The following PUM2 variants were observed in gnomAD, a reference collection of about 807,000 sequenced individuals.
The protein encoded by PUM2 is pumilio homolog 2.
In PUM2, 57 loss-of-function variants were observed where a neutral mutation model predicts 124.5. That is an observed-to-expected ratio of 0.46 (90% CI 0.37 to 0.57). PUM2 has a LOEUF of 0.57. PUM2 is among the 20% of genes least tolerant of loss of function. The pLI is 0.00. For synonymous variants in PUM2, 460 were observed against 446.1 expected, an observed-to-expected ratio of 1.03 and a Z score of -0.39; for missense variants, 1,065 against 1,290.6, an observed-to-expected ratio of 0.83 and a Z score of 2.68.
intron 3 of PUM2, among the ~76,000 whole-genome samples, chr2:20,316,001 G>C (rs1572889253): frequency 2.0e-5 from 3 of 152,188 alleles, no homozygotes; most frequent in Admixed American, 2.0e-4. Context: ...GCCTTTTGTA[G>C]GGAAGATGTA....
In PUM2 at chr2:20,278,776, T is replaced by C. The variant is rs374051033; in HGVS notation, c.1764A>G (p.Leu588=). The change falls in exon 13 of 21, where the codon CTA becomes CTG. Residue 588 remains leucine (L), a synonymous_variant. Coordinates refer to ENST00000361078, the MANE Select transcript of PUM2 (RefSeq NM_015317.5). ...ASSSATRRES[L]STSSDLYKRS... ...TTTTGTACAAGTCAGAGCTAGTAGATAGAGACTCTCTCCTTGTGGCACTAC... is the reference window on the plus strand; with the variant it reads ...TTTTGTACAAGTCAGAGCTAGTAGACAGAGACTCTCTCCTTGTGGCACTAC... 25 of 1,613,320 alleles carry C rather than the reference T, an allele frequency of 1.5e-5. No individual in the cohort carries two copies. Among genetic ancestry groups the C allele is most frequent in the Non-Finnish European group, 1.9e-5 (23 of 1,179,636 alleles).
intron 1 of PUM2, among the ~76,000 whole-genome samples, chr2:20,336,092 T>C (rs945119374): frequency 1.3e-5 from 2 of 152,228 alleles, no homozygotes; most frequent in African/African-American, 4.8e-5. Context: ...ATGCTTTAGG[T>C]ATTGTCTGAG....
At chr2:20,278,216 T>C (rs1190348604) in intron 13 of PUM2, among the ~76,000 whole-genome samples, 1 of 152,156 alleles carries the variant, frequency 6.6e-6, no homozygotes, top group African/African-American at 2.4e-5. Context: ...GCTATGTAAC[T>C]AATGTTTTTC....
chr2:20,293,168 A>G (rs1674638358), intron 9 of PUM2, among the ~76,000 whole-genome samples: 1 of 152,242 alleles, frequency 6.6e-6, no homozygotes. Context: ...TCCGCAATAC[A>G]TAGCTGTTGT....
intron 1 of PUM2, among the ~76,000 whole-genome samples, chr2:20,330,640 G>A (rs2148908891): frequency 6.6e-6 from 1 of 152,252 alleles, no homozygotes; most frequent in Middle Eastern, 3.4e-3. Context: ...ATTCTCAACG[G>A]TATTCTTTGT....
At chr2:20,311,335 A>T (rs554971294) in intron 5 of PUM2, among the ~76,000 whole-genome samples, 159 bp downstream of exon 5, 2 of 152,136 alleles carry the variant, frequency 1.3e-5, no homozygotes, top group Non-Finnish European at 2.9e-5. Flanking sequence ...TCATAATCAC[A>T]AATTTTCTTT....
At chr2:20,260,187 T>C (rs1168559100) in intron 15 of PUM2, 150 bp downstream of exon 15, 2 of 854,842 alleles carry the variant, frequency 2.3e-6, no homozygotes, top group East Asian at 5.8e-5. Context: ...GGATAAAATG[T>C]TTACCGCATA....
At chr2:20,350,396 C>T (rs1015959637) in intron 1 of PUM2, 9 of 852,648 alleles carry the variant, frequency 1.1e-5, no homozygotes, top group Non-Finnish European at 1.3e-5. Context: ...CCCCCTCCCC[C>T]GCACGCGCAC....
At chr2:20,280,055 T>C (rs1041477417) in intron 12 of PUM2, among the ~76,000 whole-genome samples, 3 of 152,144 alleles carry the variant, frequency 2.0e-5, no homozygotes, top group East Asian at 1.9e-4. Context: ...ACAAGTCATA[T>C]ATAAATAGGT....
chr2:20,346,380 G>GTATACATTTT (rs1415647283), intron 1 of PUM2, among the ~76,000 whole-genome samples: 1 of 151,900 alleles, frequency 6.6e-6, no homozygotes, highest in Non-Finnish European at 1.5e-5. Context: ...ATACATTTTT[G>GTATACATTTT]GTATTTATAA....
intron 8 of PUM2, among the ~76,000 whole-genome samples, chr2:20,296,821 G>T (rs1675716931): frequency 6.6e-6 from 1 of 152,190 alleles, no homozygotes; most frequent in African/African-American, 2.4e-5. Context: ...AAATCGCTTT[G>T]TTCAAATAAG....
intron 1 of PUM2, among the ~76,000 whole-genome samples, chr2:20,331,555 A>C (rs985709726): frequency 9.9e-5 from 15 of 152,016 alleles, no homozygotes; most frequent in Admixed American, 9.2e-4. Context: ...GGTTACCAAG[A>C]AGGTAGTCAA....
At chr2:20,333,659 T>C (rs1685388841) in intron 1 of PUM2, among the ~76,000 whole-genome samples, 1 of 152,162 alleles carries the variant, frequency 6.6e-6, no homozygotes, top group African/African-American at 2.4e-5. Context: ...ACGCCTGTAA[T>C]CTCAGCACTT....
chr2:20,287,420 C>T (rs780136188), intron 10 of PUM2, among the ~76,000 whole-genome samples: 6 of 151,942 alleles, frequency 3.9e-5, no homozygotes, highest in Non-Finnish European at 8.8e-5. Context: ...TAGTTAATCA[C>T]AAAATGTTTA....
intron 6 of PUM2, 74 bp from the exon 7 acceptor site, chr2:20,308,145 A>T: frequency 6.5e-7 from 1 of 1,527,906 alleles, no homozygotes; most frequent in East Asian, 2.3e-5. Context: ...TGAATAAAAC[A>T]TTTTAAACAT....
intron 13 of PUM2, among the ~76,000 whole-genome samples, chr2:20,270,465 T>C (rs1297980114): frequency 6.6e-6 from 1 of 152,096 alleles, no homozygotes; most frequent in African/African-American, 2.4e-5. Flanking sequence ...TACACAAACA[T>C]TATGGGTACA....
Position 20,256,070 on chromosome 2 carries a change from T to G in PUM2, c.2585A>C (p.Gln862Pro). ...VQKCIECVQPQSLQFIIDAFK... is the reference protein window; with the variant it reads ...VQKCIECVQPPSLQFIIDAFK... ...AGCATCAATGATGAACTGTAGTGACTGTGGCTGAACACATTCGATACATTT... is the reference window on the plus strand; with the variant it reads ...AGCATCAATGATGAACTGTAGTGACGGTGGCTGAACACATTCGATACATTT... Residue 862 changes from glutamine (Q) to proline (P), a missense_variant, in exon 17 of 21, where the codon CAG (glutamine) becomes CCG (proline). Physicochemically the swap from Gln to Pro is moderately conservative, Grantham distance 76. Around this residue, in one of 3 missense-constraint regions of PUM2, gnomAD observed 968 missense variants for 1,159.8 expected, o/e 0.83. Transcript: ENST00000361078. 1 of 1,596,454 alleles carries G rather than the reference T, an allele frequency of 6.3e-7. No individual in the cohort carries two copies. Among genetic ancestry groups the G allele is most frequent in the Non-Finnish European group, 8.5e-7 (1 of 1,173,916 alleles).
At chr2:20,310,835 TAATATATAGATA>T (rs1679435327) in intron 5 of PUM2, among the ~76,000 whole-genome samples, 1 of 151,988 alleles carries the variant, frequency 6.6e-6, no homozygotes, top group African/African-American at 2.4e-5. Flanking sequence ...AACAACTCCC[TAATATATAGATA>T]AATATATACT....
At chr2:20,309,789 C>T (rs141640843) in intron 5 of PUM2, among the ~76,000 whole-genome samples, 1 of 152,100 alleles carries the variant, frequency 6.6e-6, no homozygotes, top group Non-Finnish European at 1.5e-5. Flanking sequence ...AATAAATTTG[C>T]TAACATATAG....
Sources: allele counts gnomAD v4.1 joint callset (sites outside exome capture counted in the v4.1 genomes callset), GRCh38; gene constraint gnomAD v4.1.1; regional missense constraint gnomAD v4.1.1; transcripts MANE v1.5; gene names NCBI Gene and HGNC (gene_info 2026-07-23, HGNC 2026-07-21).